SH3BP1: variants seen among roughly 807,000 people sequenced by gnomAD.
SH3BP1 encodes SH3 domain-binding protein 1.
SH3BP1 carries 46 observed loss-of-function variants against 69.8 expected under a neutral mutation model. The ratio of observed to expected loss-of-function variants is 0.66; its 90% CI spans 0.52 to 0.84. The LOEUF (loss-of-function observed/expected upper bound fraction) is 0.84, where lower values mean the gene tolerates loss of function less well. Ranked by LOEUF, SH3BP1 falls within the 40% of genes least tolerant of loss-of-function variation. SH3BP1 has a pLI of 0.00. For synonymous variants in SH3BP1, 403 were observed against 378.0 expected (o/e 1.07, Z -0.77); for missense variants, 868 against 930.9 (o/e 0.93, Z 0.88).
chr22:37,647,613 C>CT, intron 13 of SH3BP1, 92 bp downstream of exon 13: 1 of 865,226 alleles, frequency 1.2e-6, no homozygotes, highest in Admixed American at 3.1e-5. Context: ...CCTGGCCTTG[C>CT]CACTGTATCC....
At chr22:37,642,693 G>C (rs1932645010) in intron 4 of SH3BP1, 78 bp downstream of exon 4, 1 of 1,610,320 alleles carries the variant, frequency 6.2e-7, no homozygotes, top group Non-Finnish European at 8.5e-7. Flanking sequence ...CAGGTGGTGA[G>C]GGCATCCACA....
rs538833807 is a variant in SH3BP1 at position 37,645,474 on chromosome 22, C to T, written c.888C>T (p.Cys296=). ...GREIALPIEA[C]VMMLLSEGMK... ...AGATTGCCCTGCCCATCGAGGCCTG[C>T]GTCATGATGCTGCTTTCTGAGGGCA... is the stretch of plus-strand genomic sequence containing the variant. The change falls in exon 10 of 18, where the codon TGC becomes TGT. Residue 296 remains cysteine (C), a synonymous_variant. Coordinates refer to ENST00000649765, the MANE Select transcript of SH3BP1 (RefSeq NM_018957.6). 6.2e-5 allele frequency: 100 copies of T among 1,613,384 alleles called. 2 individuals carry two copies. The South Asian group carries it at 9.7e-4, about 16-fold the overall frequency.
chr22:37,649,897 T>G (rs1335353958), intron 14 of SH3BP1: 1 of 587,616 alleles, frequency 1.7e-6, no homozygotes, highest in African/African-American at 1.8e-5. Flanking sequence ...CTGATTGCAT[T>G]TGCTTGGTAG....
rs541326234 is a variant in SH3BP1 at position 37,643,806 on chromosome 22, C to T, written c.618+18C>T. 44 of 1,611,288 alleles carry T rather than the reference C, an allele frequency of 2.7e-5. No homozygotes were observed. In the South Asian group the frequency reaches 4.3e-4, roughly 16 times the overall value. On this transcript the variant is annotated intron_variant, in intron 7 of 17. Transcript: ENST00000649765. ...AATGCAGGGTGAGGGCCATGGGGGT[C>T]CCCTGGATATGTAGGGGTGGCAGGG...
In SH3BP1 at chr22:37,642,912, G is replaced by C. The variant is rs1361993385; in HGVS notation, c.302G>C (p.Ser101Thr). 4 of 1,612,684 alleles carry C rather than the reference G, an allele frequency of 2.5e-6. No individual in the cohort carries two copies. The highest frequency in any genetic ancestry group is 3.4e-6 in the Non-Finnish European group (4 of 1,179,982). The stretch of plus-strand genomic sequence containing the variant: ...GTCCACAGGAAGGCCTTGGAGATGA[G>C]CTGTGCCATCCAGAATCAGCTGGCC... ...DSSMGKALEM[S>T]CAIQNQLARI... is the part of the protein sequence containing the mutation. Residue 101 changes from serine (S) to threonine (T), a missense_variant, in exon 5 of 18, where the codon AGC becomes ACC. Transcript: ENST00000649765.
chr22:37,643,499 GCC>G, intron 6 of SH3BP1, 143 bp from the exon 7 acceptor site: 1 of 1,200,548 alleles, frequency 8.3e-7, no homozygotes, highest in Non-Finnish European at 1.2e-6. Context: ...TCATGGCCCA[GCC>G]TGGGCAGAGG....
Position 37,641,124 on chromosome 22 carries a change from A to G in SH3BP1, c.60-2A>G. ...CCCCCCCCCCCCCACCACTCCCCGCAGCACCCCGGAGACCGCTGAGTTCCT... is the reference window on the plus strand; with the variant it reads ...CCCCCCCCCCCCCACCACTCCCCGCGGCACCCCGGAGACCGCTGAGTTCCT... On this transcript the variant is annotated splice_acceptor_variant, in intron 1 of 17. Coordinates refer to ENST00000649765, the MANE Select transcript of SH3BP1 (RefSeq NM_018957.6). LOFTEE classifies it high-confidence loss of function. The G allele has an allele frequency of 1.4e-6, 1 of 739,846 alleles. No homozygotes were observed. Among genetic ancestry groups the G allele is most frequent in the Non-Finnish European group, 2.1e-6 (1 of 468,940 alleles). The allele number at this position is 739,846 out of a possible 1,614,324, so 45.8% of individuals were successfully genotyped here. A position where few individuals can be genotyped will look rare whatever the true frequency, so the allele number is the denominator to read the frequency against.
At chr22:37,639,935 C>T in intron 1 of SH3BP1, 89 bp downstream of exon 1, 3 of 793,596 alleles carry the variant, frequency 3.8e-6, no homozygotes, top group Non-Finnish European at 5.8e-6. Flanking sequence ...GTGGGGGAGG[C>T]TGGGGACAGC....
Position 37,646,914 on chromosome 22 carries a change from C to T in SH3BP1, c.1021C>T (p.Pro341Ser). The change falls in exon 11 of 18, where the codon CCG (proline) becomes TCG (serine). Residue 341 changes from proline (P) to serine (S), a missense_variant. Transcript: ENST00000649765. ...CAGCCTGGAGGAGTTCTGCTCCGAC[C>T]CGCACGCTGTGGCAGGTGCCTGATC... ...PHSLEEFCSD[P>S]HAVAGALKSY... The T allele has an allele frequency of 6.4e-7, 1 of 1,550,576 alleles. No individual in the cohort carries two copies. The highest frequency in any genetic ancestry group is 8.7e-7 in the Non-Finnish European group (1 of 1,151,494).
intron 7 of SH3BP1, among the ~76,000 whole-genome samples, chr22:37,644,193 C>A (rs1178188751): frequency 1.3e-5 from 2 of 152,212 alleles, no homozygotes; most frequent in African/African-American, 4.8e-5. Context: ...GCCTGGCCAA[C>A]ATGGTGAAAC....
At chr22:37,654,777 C>T (rs751581002) in intron 17 of SH3BP1, among the ~76,000 whole-genome samples, 5 of 151,854 alleles carry the variant, frequency 3.3e-5, no homozygotes, top group Non-Finnish European at 7.4e-5. Context: ...CTGGGAGCCT[C>T]GTGACCAGGG....
At chr22:37,645,262 C>T in intron 9 of SH3BP1, 103 bp from the exon 10 acceptor site, 1 of 1,368,918 alleles carries the variant, frequency 7.3e-7, no homozygotes, top group Non-Finnish European at 1.0e-6. Context: ...CCTGGACAGT[C>T]AGTGGCAGGT....
At chr22:37,645,064 G>A (rs1932759317) in intron 9 of SH3BP1, 104 bp downstream of exon 9, 2 of 1,098,736 alleles carry the variant, frequency 1.8e-6, no homozygotes, top group East Asian at 5.2e-5. Context: ...AGCTGTGGAT[G>A]GGTTCTGAGA....
At chr22:37,655,158 G>C in intron 17 of SH3BP1, 114 bp from the exon 18 acceptor site, 1 of 749,742 alleles carries the variant, frequency 1.3e-6, no homozygotes, top group Non-Finnish European at 2.1e-6. Context: ...CAGAAACGGT[G>C]TTCCCGGCAG....
intron 4 of SH3BP1, 30 bp from the exon 5 acceptor site, chr22:37,642,865 G>A (rs767463520): frequency 1.5e-5 from 24 of 1,601,628 alleles, no homozygotes; most frequent in South Asian, 4.4e-5. Context: ...GGCAGCGGGC[G>A]CCTGGACCCA....
rs200624507 is a variant in SH3BP1, at chr22:37,653,281, AC to A, written c.1599-497del. On this transcript the variant is annotated intron_variant, in intron 16 of 17. Transcript: ENST00000649765. The stretch of plus-strand genomic sequence containing the variant: ...CCGTCTCTACTACAAAAAAACAACA[AC>A]AAAAAAATCTGGGCATGGTGGTGTG... Among the ~76,000 whole-genome samples the A allele has an allele frequency of 6.7e-4, 101 of 151,872 alleles. No individual in the cohort carries two copies. The East Asian group carries it at 0.017, about 26-fold the overall frequency.
chr22:37,645,617 C>T, intron 10 of SH3BP1, 107 bp downstream of exon 10: 3 of 1,317,800 alleles, frequency 2.3e-6, no homozygotes, highest in Non-Finnish European at 3.1e-6. Flanking sequence ...TCATTCGAGC[C>T]CAGCTCCCTG....
At chr22:37,642,193 G>A (rs1261489036) in intron 3 of SH3BP1, 4 of 330,898 alleles carry the variant, frequency 1.2e-5, no homozygotes, top group South Asian at 6.7e-5. Flanking sequence ...CCTGGGACAG[G>A]GGAAAGAGCT....
chr22:37,641,229 G>A (rs1932580034), intron 2 of SH3BP1, 61 bp downstream of exon 2: 1 of 1,533,072 alleles, frequency 6.5e-7, no homozygotes, highest in Middle Eastern at 1.7e-4. Flanking sequence ...CGGAGCAGAG[G>A]GCCGGGGCGG....
Sources: allele counts gnomAD v4.1 joint callset (sites outside exome capture counted in the v4.1 genomes callset), GRCh38; gene constraint gnomAD v4.1.1; transcripts MANE v1.5; gene names NCBI Gene and HGNC (gene_info 2026-07-23, HGNC 2026-07-21).